SKI: variants seen among roughly 807,000 people sequenced by gnomAD.
SKI encodes SKI proto-oncogene, also known as ski oncogene.
Under a neutral mutation model 59.3 loss-of-function variants are expected in SKI, and 23 were observed. The observed-to-expected ratio is 0.39, with a 90% CI of 0.28 to 0.55. The LOEUF (loss-of-function observed/expected upper bound fraction) is 0.55. Ranked by LOEUF, SKI falls within the 20% of genes least tolerant of loss-of-function variation. The probability of loss-of-function intolerance (pLI) is 0.67; values close to 1 mark genes in which losing one functional copy is unlikely to be tolerated. For synonymous variants in SKI, 673 were observed against 488.6 expected (o/e 1.38, Z -4.98); for missense variants, 1,017 against 1,038.9 (o/e 0.98, Z 0.29).
In SKI at chr1:2,267,672, G is replaced by C. The variant is rs1639528973; in HGVS notation, c.970-35306G>C. On this transcript the variant is annotated intron_variant, in intron 1 of 6. Transcript: ENST00000378536. This position sits in a 1 kb window ranked among gnomAD's most constrained non-coding sequence, Gnocchi z 4.1. ...GAAAGGCTTGTTGTGGGGGCGGGGG[G>C]CGCACCACACTTCAGGGATGCAGCC... 6.6e-6 allele frequency among the ~76,000 whole-genome samples: 1 copy of C among 152,112 alleles called. No homozygotes were observed.
intron 1 of SKI, among the ~76,000 whole-genome samples, chr1:2,298,653 C>T (rs530056992): frequency 3.9e-5 from 6 of 152,360 alleles, no homozygotes; most frequent in African/African-American, 1.4e-4. Context: ...ACAGGCAGGC[C>T]TGTCTGGCCT....
chr1:2,286,259 T>C (rs148381318), intron 1 of SKI, among the ~76,000 whole-genome samples: 2 of 152,048 alleles, frequency 1.3e-5, no homozygotes, highest in Non-Finnish European at 2.9e-5. Context: ...TCCAGTGCTT[T>C]GGAAGGACAA....
At chr1:2,287,389 G>A (rs10910049) in intron 1 of SKI, among the ~76,000 whole-genome samples, 4 of 148,132 alleles carry the variant, frequency 2.7e-5, no homozygotes, top group African/African-American at 1.0e-4. Context: ...CAGGCTGGAG[G>A]GCAGTGGCGC....
At chr1:2,241,771 A>C (rs990547041) in intron 1 of SKI, among the ~76,000 whole-genome samples, 2 of 152,232 alleles carry the variant, frequency 1.3e-5, no homozygotes, top group Non-Finnish European at 2.9e-5. Context: ...CATCTAAGGA[A>C]TATGGAATCA....
intron 1 of SKI, among the ~76,000 whole-genome samples, chr1:2,260,542 T>TTTC (rs1553194303): frequency 3.2e-5 from 4 of 123,184 alleles, no homozygotes; most frequent in Admixed American, 1.6e-4. Flanking sequence ...TTTCTTTTTT[T>TTTC]TTTTTTTTTT....
rs773584072 is a variant in SKI, at chr1:2,304,006, G to A, written c.1378G>A (p.Asp460Asn). ...GCCTCGGAAGCGGAAGCTGACTGTG[G>A]ACACCCCAGGAGCCCCAGAGACGCT... ...TQPRKRKLTV[D>N]TPGAPETLAP... is the part of the protein sequence containing the mutation. The change falls in exon 4 of 7, where the codon GAC becomes AAC. Residue 460 changes from aspartate to asparagine, a missense_variant. Asp to Asn is a conservative substitution (Grantham distance 23, BLOSUM62 1). Coordinates refer to ENST00000378536, the MANE Select transcript of SKI (RefSeq NM_003036.4). 1 of 1,612,590 alleles carries A rather than the reference G, an allele frequency of 6.2e-7. No individual in the cohort carries two copies. Among genetic ancestry groups the A allele is most frequent in the Non-Finnish European group, 8.5e-7 (1 of 1,179,878 alleles).
chr1:2,271,157 C>T (rs1318786261), intron 1 of SKI, among the ~76,000 whole-genome samples: 2 of 152,120 alleles, frequency 1.3e-5, no homozygotes, highest in Non-Finnish European at 2.9e-5. Context: ...GATTGGCGAC[C>T]CCAGGGTCCC....
chr1:2,271,657 T>A (rs2100855011), intron 1 of SKI, among the ~76,000 whole-genome samples: 1 of 152,042 alleles, frequency 6.6e-6, no homozygotes, highest in African/African-American at 2.4e-5. Flanking sequence ...CGCCATTGCC[T>A]GGGGCCCCTT....
chr1:2,246,933 TG>T (rs1639012611), intron 1 of SKI, among the ~76,000 whole-genome samples: 1 of 152,126 alleles, frequency 6.6e-6, no homozygotes. Context: ...GCAAGAGCCA[TG>T]GGCACAGGCC....
At chr1:2,273,656 C>T (rs1429849191) in intron 1 of SKI, among the ~76,000 whole-genome samples, 6 of 152,126 alleles carry the variant, frequency 3.9e-5, no homozygotes, top group Non-Finnish European at 5.9e-5. Context: ...AGAAGTGTGA[C>T]GAGTGTGCGA....
intron 1 of SKI, among the ~76,000 whole-genome samples, chr1:2,266,658 G>C (rs1251841281): frequency 6.6e-6 from 1 of 152,130 alleles, no homozygotes; most frequent in East Asian, 1.9e-4. Context: ...GGGTCTCTGT[G>C]ACTTCACCTT....
chr1:2,272,231 C>A lies in SKI; in HGVS notation c.970-30747C>A, dbSNP rs183913861. On this transcript the variant is annotated intron_variant, in intron 1 of 6. Coordinates refer to ENST00000378536, the MANE Select transcript of SKI (RefSeq NM_003036.4). ...GGCCGGCCTTTCCGGGGATTAAAAA[C>A]CCACTGAAAGGTCTGAGCCTAGCTA... Among the ~76,000 whole-genome samples, 69 of 152,358 alleles carry A rather than the reference C, an allele frequency of 4.5e-4. 2 individuals are homozygous for A. In the East Asian group the frequency reaches 0.013, roughly 29 times the overall value.
chr1:2,306,750 G>C lies in SKI; in HGVS notation c.2172G>C (p.Ala724=), dbSNP rs879070309. The C allele has an allele frequency of 1.2e-5, 18 of 1,522,930 alleles. No homozygotes were observed. Among genetic ancestry groups the C allele is most frequent in the South Asian group, 8.5e-5 (7 of 81,912 alleles). 94.3% of individuals were successfully genotyped at this position (1,522,930 alleles called of 1,614,324 possible). Residue 724 remains alanine (A), a synonymous_variant, in exon 7 of 7, where the codon GCG becomes GCC. Coordinates refer to ENST00000378536, the MANE Select transcript of SKI (RefSeq NM_003036.4). ...RPEAAGSEGA[A]ELEP ...AGGCTGCGGGCAGCGAGGGCGCTGCGGAGCTGGAGCCGTAGATTCCGTGCC... is the reference window on the plus strand; with the variant it reads ...AGGCTGCGGGCAGCGAGGGCGCTGCCGAGCTGGAGCCGTAGATTCCGTGCC...
At chr1:2,288,511 T>C (rs551355281) in intron 1 of SKI, among the ~76,000 whole-genome samples, 2 of 152,374 alleles carry the variant, frequency 1.3e-5, no homozygotes, top group African/African-American at 4.8e-5. Context: ...TGTCGTCGTT[T>C]CCTGTGGGAG....
chr1:2,275,854 T>C (rs918071605), intron 1 of SKI, among the ~76,000 whole-genome samples: 1 of 151,998 alleles, frequency 6.6e-6, no homozygotes, highest in East Asian at 1.9e-4. Context: ...CCTGGCTCTT[T>C]GGGAGGGAGA....
chr1:2,306,536 G>A (rs1262770518), intron 6 of SKI, 41 bp from the exon 7 acceptor site: 1 of 1,529,166 alleles, frequency 6.5e-7, no homozygotes, highest in Non-Finnish European at 8.8e-7. Flanking sequence ...GCCGGGGCAG[G>A]GCAGCGAGCA....
intron 1 of SKI, among the ~76,000 whole-genome samples, chr1:2,240,065 G>A (rs571405783): frequency 1.2e-4 from 19 of 152,212 alleles, no homozygotes; most frequent in Non-Finnish European, 1.5e-4. Flanking sequence ...GATGAAGGAG[G>A]ACCTGTTTTC....
At chr1:2,278,419 G>A (rs1237604949) in intron 1 of SKI, among the ~76,000 whole-genome samples, 1 of 152,214 alleles carries the variant, frequency 6.6e-6, no homozygotes, top group African/African-American at 2.4e-5. Context: ...ATCTGGAGAC[G>A]ACTCTTGCTG....
At chr1:2,285,998 C>A (rs1428355761) in intron 1 of SKI, among the ~76,000 whole-genome samples, 1 of 151,812 alleles carries the variant, frequency 6.6e-6, no homozygotes, top group Non-Finnish European at 1.5e-5. Context: ...CTCAGCCTCC[C>A]GAGTAGCTGG....
Sources: allele counts gnomAD v4.1 joint callset (sites outside exome capture counted in the v4.1 genomes callset), GRCh38; gene constraint gnomAD v4.1.1; non-coding constraint Gnocchi (gnomAD v3.1); transcripts MANE v1.5; gene names NCBI Gene and HGNC (gene_info 2026-07-23, HGNC 2026-07-21).